The following BAZ1B variants were observed in gnomAD, a reference collection of about 807,000 sequenced individuals.
The protein encoded by BAZ1B is tyrosine-protein kinase BAZ1B.
A neutral mutation model predicts 153.8 loss-of-function variants in BAZ1B; 22 were observed. The ratio of observed to expected loss-of-function variants is 0.14; its 90% CI spans 0.10 to 0.20. The LOEUF (loss-of-function observed/expected upper bound fraction) is 0.20, where lower values mean the gene tolerates loss of function less well. Among genes scored for constraint, BAZ1B ranks in the 10% least tolerant of loss-of-function variants. BAZ1B has a pLI of 1.00. For synonymous variants in BAZ1B, 676 were observed against 633.4 expected, an observed-to-expected ratio of 1.07 and a Z score of -1.01; for missense variants, 1,325 against 1,799.3, an observed-to-expected ratio of 0.74 and a Z score of 4.77.
At chr7:73,490,824 C>T (rs1387003932) in intron 5 of BAZ1B, among the ~76,000 whole-genome samples, 2 of 151,536 alleles carry the variant, frequency 1.3e-5, no homozygotes, top group Admixed American at 6.6e-5. Context: ...AGGCTGGTCT[C>T]GAACTCCCGA....
chr7:73,510,808 G>C lies in BAZ1B; in HGVS notation c.152C>G (p.Thr51Arg). The C allele has an allele frequency of 6.2e-7, 1 of 1,614,054 alleles. No homozygotes were observed. The highest frequency in any genetic ancestry group is 8.5e-7 in the Non-Finnish European group (1 of 1,180,022). ...CTGACTGCTTCCAGTACTCTTGCACGTCCAAATGCGCTCACTGTACCTTTC... is the reference window on the plus strand; with the variant it reads ...CTGACTGCTTCCAGTACTCTTGCACCTCCAAATGCGCTCACTGTACCTTTC... ...RLERYSERIW[T>R]CKSTGSSQLT... Residue 51 changes from threonine (T) to arginine (R), a missense_variant, in exon 2 of 20, where the codon ACG (threonine) becomes AGG (arginine). Physicochemically the swap from Thr to Arg is moderately conservative, Grantham distance 71. Coordinates refer to ENST00000339594, the MANE Select transcript of BAZ1B (RefSeq NM_032408.4).
chr7:73,493,159 T>TA (rs1178911855), intron 4 of BAZ1B, among the ~76,000 whole-genome samples: 1 of 152,038 alleles, frequency 6.6e-6, no homozygotes, highest in Non-Finnish European at 1.5e-5. Context: ...TAGAAGTTGG[T>TA]AAAGAAAAAC....
chr7:73,488,533 A>C (rs900765198), intron 6 of BAZ1B, among the ~76,000 whole-genome samples: 10 of 152,068 alleles, frequency 6.6e-5, no homozygotes, highest in Admixed American at 1.3e-4. Context: ...GGAGCTCAAG[A>C]CTAGCCTGGC....
chr7:73,472,420 G>A (rs112507584), intron 7 of BAZ1B, among the ~76,000 whole-genome samples: 18 of 151,296 alleles, frequency 1.2e-4, no homozygotes, highest in African/African-American at 3.4e-4. Context: ...CACCACGCCC[G>A]GCTAATTTTG....
chr7:73,514,707 G>A (rs1190144908), intron 1 of BAZ1B, among the ~76,000 whole-genome samples: 1 of 152,108 alleles, frequency 6.6e-6, no homozygotes, highest in Non-Finnish European at 1.5e-5. Context: ...TCAGGGATCT[G>A]AGGTGGGAGG....
At chr7:73,443,751 C>G (rs528814380) in intron 17 of BAZ1B, among the ~76,000 whole-genome samples, 1 of 152,134 alleles carries the variant, frequency 6.6e-6, no homozygotes, top group East Asian at 1.9e-4. Flanking sequence ...GCAGGCTGCC[C>G]GCTAACTAGT....
At chr7:73,455,706 C>T (rs568283474) in intron 13 of BAZ1B, among the ~76,000 whole-genome samples, 26 of 152,204 alleles carry the variant, frequency 1.7e-4, no homozygotes, top group African/African-American at 5.8e-4. Flanking sequence ...TTGCCTGAGC[C>T]CAGGAGTTTG....
intron 17 of BAZ1B, among the ~76,000 whole-genome samples, chr7:73,443,674 A>T (rs1554565618): frequency 1.3e-5 from 2 of 152,184 alleles, no homozygotes; most frequent in African/African-American, 4.8e-5. Flanking sequence ...CATTCCCACA[A>T]TGAAGACCCA....
At position 73,441,491 on chromosome 7, in the gene BAZ1B, G is replaced by C. The variant is rs1554564899; in HGVS notation, c.*218C>G. 5 of 152,414 alleles carry C rather than the reference G, an allele frequency of 3.3e-5. No individual in the cohort carries two copies. The highest frequency in any genetic ancestry group is 3.3e-4 in the Admixed American group (5 of 15,274). 9.4% of individuals were successfully genotyped at this position (152,414 alleles called of 1,614,324 possible). ...ATAAGCAGGACTCCAGTCTCTAAGT[G>C]AAGTGCCTTAGTTTTGTTTTTTTGT... On this transcript the variant is annotated 3_prime_UTR_variant, in exon 20 of 20. Coordinates refer to ENST00000339594, the MANE Select transcript of BAZ1B (RefSeq NM_032408.4).
chr7:73,510,972 G>A (rs1215362426), intron 1 of BAZ1B, 120 bp from the exon 2 acceptor site: 1 of 817,926 alleles, frequency 1.2e-6, no homozygotes, highest in Non-Finnish European at 1.9e-6. Context: ...AGCATGAGAG[G>A]ATAAAAATGG....
rs140624559 is a variant in BAZ1B, at chr7:73,521,843, C to G, written c.91G>C (p.Ala31Pro). The G allele has an allele frequency of 2.0e-6, 3 of 1,504,472 alleles. No individual in the cohort carries two copies. Among genetic ancestry groups the G allele is most frequent in the Non-Finnish European group, 2.7e-6 (3 of 1,122,196 alleles). The allele number at this position is 1,504,472 out of a possible 1,614,324, so 93.2% of individuals were successfully genotyped here. The stretch of plus-strand genomic sequence containing the variant: ...AAAGGATACTCCCGGGTGCGGAAGG[C>G]CTCCTGAGTGTGCGGGATGGTGAAG... The part of the protein sequence containing the change: ...PLFTIPHTQE[A>P]FRTREEYEAR... The change falls in exon 1 of 20, where the codon GCC (alanine) becomes CCC (proline). Residue 31 changes from alanine (A) to proline (P), a missense_variant. Physicochemically the swap from Ala to Pro is conservative, Grantham distance 27. Around this residue, in one of 9 missense-constraint regions of BAZ1B, gnomAD observed 61 missense variants for 61.5 expected, o/e 0.99. Coordinates refer to ENST00000339594, the MANE Select transcript of BAZ1B (RefSeq NM_032408.4).
In BAZ1B at chr7:73,442,342, G is replaced by A; in HGVS notation, c.4306C>T (p.Leu1436=). The A allele has an allele frequency of 6.2e-7, 1 of 1,614,194 alleles. No individual in the cohort carries two copies. Among genetic ancestry groups the A allele is most frequent in the Non-Finnish European group, 8.5e-7 (1 of 1,180,044 alleles). The change falls in exon 19 of 20, where the codon CTA becomes TTA. Residue 1436 remains leucine (L), a synonymous_variant. Coordinates refer to ENST00000339594, the MANE Select transcript of BAZ1B (RefSeq NM_032408.4). ...AGGTGTTTATGCAACAGAGCCACTA[G>A]ACACTGTTCTGTCTTCACCATGCAG... ...LSCMVKTEQC[L]VALLHKHLPG...
chr7:73,484,312 TAGACAGACAGACAGAC>T (rs1158399182), intron 6 of BAZ1B, among the ~76,000 whole-genome samples: 2 of 149,144 alleles, frequency 1.3e-5, no homozygotes, highest in South Asian at 2.1e-4. Context: ...GATAGATAGA[TAGACAGACAGACAGAC>T]AGACAGACAG....
chr7:73,447,772 A>G (rs1383442522), intron 15 of BAZ1B, among the ~76,000 whole-genome samples: 8 of 152,218 alleles, frequency 5.3e-5, no homozygotes, highest in Non-Finnish European at 1.0e-4. Context: ...GTAGACTGAA[A>G]AGAATAAACA....
intron 6 of BAZ1B, among the ~76,000 whole-genome samples, chr7:73,481,099 G>C (rs948465877): frequency 6.6e-6 from 1 of 151,912 alleles, no homozygotes; most frequent in African/African-American, 2.4e-5. Context: ...GCTAACTTTT[G>C]TATTTTTAGT....
intron 7 of BAZ1B, among the ~76,000 whole-genome samples, chr7:73,472,813 G>C (rs533717588): frequency 3.2e-4 from 48 of 151,850 alleles, no homozygotes; most frequent in African/African-American, 1.1e-3. Context: ...CTGGAGTGCA[G>C]TGGTGTGATC....
intron 11 of BAZ1B, among the ~76,000 whole-genome samples, 193 bp from the exon 12 acceptor site, chr7:73,463,292 T>A (rs1487269010): frequency 6.7e-6 from 1 of 148,284 alleles, no homozygotes; most frequent in Non-Finnish European, 1.5e-5. Context: ...TCACACAGGC[T>A]GGAGTGCAAA....
chr7:73,467,420 A>G (rs971765893), intron 9 of BAZ1B, among the ~76,000 whole-genome samples: 3 of 152,100 alleles, frequency 2.0e-5, no homozygotes, highest in Admixed American at 1.3e-4. Context: ...CCCAGGCTGC[A>G]GTGCAGTGGC....
At chr7:73,475,841 T>G (rs1486212225) in intron 7 of BAZ1B, among the ~76,000 whole-genome samples, 2 of 151,552 alleles carry the variant, frequency 1.3e-5, no homozygotes, top group Admixed American at 1.3e-4. Flanking sequence ...GGAGAATCGC[T>G]TGAATCCAGA....
Sources: allele counts gnomAD v4.1 joint callset (sites outside exome capture counted in the v4.1 genomes callset), GRCh38; gene constraint gnomAD v4.1.1; regional missense constraint gnomAD v4.1.1; transcripts MANE v1.5; gene names NCBI Gene and HGNC (gene_info 2026-07-23, HGNC 2026-07-21).